The following SDK1 variants were observed in gnomAD, a reference collection of about 807,000 sequenced individuals.
SDK1 encodes protein sidekick-1.
SDK1 carries 157 observed loss-of-function variants against 245.5 expected under a neutral mutation model. That is an observed-to-expected ratio of 0.64 (90% confidence interval 0.56 to 0.73). The LOEUF (loss-of-function observed/expected upper bound fraction) is 0.73. Ranked by LOEUF, SDK1 falls within the 30% of genes least tolerant of loss-of-function variation. The probability of loss-of-function intolerance (pLI) is 0.00; values close to 1 mark genes in which losing one functional copy is unlikely to be tolerated. For missense variants in SDK1, 3,583 were observed against 3,002.3 expected (o/e 1.19, Z -4.52); for synonymous variants, 1,647 against 1,278.5 (o/e 1.29, Z -6.15).
intron 1 of SDK1, among the ~76,000 whole-genome samples, chr7:3,448,594 A>G (rs1780415792): frequency 6.6e-6 from 1 of 152,186 alleles, no homozygotes; most frequent in East Asian, 1.9e-4. Flanking sequence ...TATTTTTTAT[A>G]TAAATATCTT....
chr7:3,582,638 C>G (rs1406567121), intron 1 of SDK1, among the ~76,000 whole-genome samples: 3 of 131,512 alleles, frequency 2.3e-5, no homozygotes, highest in Non-Finnish European at 4.6e-5. Context: ...GTGACATGAG[C>G]TTACATAACA....
At chr7:3,382,666 G>C (rs1414243508) in intron 1 of SDK1, among the ~76,000 whole-genome samples, 2 of 152,256 alleles carry the variant, frequency 1.3e-5, no homozygotes, top group African/African-American at 4.8e-5. Context: ...GAGTATGTTT[G>C]ATTAGCGATG....
intron 1 of SDK1, among the ~76,000 whole-genome samples, chr7:3,407,122 C>T (rs566221036): frequency 2.6e-5 from 4 of 152,286 alleles, no homozygotes; most frequent in South Asian, 2.1e-4. Flanking sequence ...ACAAGGGCTA[C>T]TGCTCTGCAC....
intron 5 of SDK1, among the ~76,000 whole-genome samples, chr7:3,843,118 C>G (rs1347279669): frequency 6.6e-6 from 1 of 152,148 alleles, no homozygotes; most frequent in Non-Finnish European, 1.5e-5. Flanking sequence ...AGCTCTTTCT[C>G]GGGGCCCTGA....
In SDK1 at chr7:3,479,876, A is replaced by AT. The variant is rs1554277608; in HGVS notation, c.299-139194dup. 8.8e-3 allele frequency among the ~76,000 whole-genome samples: 1,298 copies of AT among 147,682 alleles called. 18 individuals carry two copies. The highest frequency in any genetic ancestry group is 0.018 in the South Asian group (85 of 4,642). Reference sequence around the variant, plus strand: ...GAGTCCATCTCAAAAAAAAAAAAAAATTTTTTTTTTCATTAAATGAGAGAC... The same window carrying AT: ...GAGTCCATCTCAAAAAAAAAAAAAAATTTTTTTTTTTCATTAAATGAGAGAC... On this transcript the variant is annotated intron_variant, in intron 1 of 44. Coordinates refer to ENST00000404826, the MANE Select transcript of SDK1 (RefSeq NM_152744.4).
At chr7:3,985,772 T>C (rs996295499) in intron 13 of SDK1, among the ~76,000 whole-genome samples, 1 of 152,230 alleles carries the variant, frequency 6.6e-6, no homozygotes, top group African/African-American at 2.4e-5. Flanking sequence ...TTAGAAATAT[T>C]AGTATGCTTA....
chr7:4,237,752 G>A lies in SDK1; in HGVS notation c.6098G>A (p.Gly2033Glu), dbSNP rs754471982. The change falls in exon 42 of 45, where the codon GGG (glycine) becomes GAG (glutamate). Residue 2033 changes from glycine (G) to glutamate (E), a missense_variant. Transcript: ENST00000404826. ...GTGGTGTTCGCCCTCGTCCTGCACG[G>A]GCAGAATAAGAAGTATAAGAACTGC... ...LLVVFALVLH[G>E]QNKKYKNCST... is the part of the protein sequence containing the mutation. 1 of 1,614,048 alleles carries A rather than the reference G, an allele frequency of 6.2e-7. No homozygotes were observed. The highest frequency in any genetic ancestry group is 1.7e-5 in the Admixed American group (1 of 60,004).
intron 4 of SDK1, among the ~76,000 whole-genome samples, chr7:3,712,470 A>T (rs541124831): frequency 1.3e-5 from 2 of 152,256 alleles, no homozygotes; most frequent in Non-Finnish European, 2.9e-5. Context: ...TAATAATAAT[A>T]GAATTAAAGT....
At chr7:3,564,860 C>G (rs1232659180) in intron 1 of SDK1, among the ~76,000 whole-genome samples, 3 of 151,894 alleles carry the variant, frequency 2.0e-5, no homozygotes, top group African/African-American at 4.8e-5. Context: ...TTAATGAAAC[C>G]TCGATTACAG....
intron 4 of SDK1, among the ~76,000 whole-genome samples, chr7:3,820,060 G>A (rs559720999): frequency 6.6e-6 from 1 of 152,292 alleles, no homozygotes; most frequent in African/African-American, 2.4e-5. Flanking sequence ...TGAAATAAGA[G>A]CTTAGACTAA....
At chr7:4,245,486 G>T (rs1450628930) in intron 43 of SDK1, among the ~76,000 whole-genome samples, 190 bp from the exon 44 acceptor site, 1 of 152,126 alleles carries the variant, frequency 6.6e-6, no homozygotes, top group Admixed American at 6.5e-5. Context: ...ACAGGCACAG[G>T]TACACAGAGG....
chr7:3,683,177 C>T lies in SDK1; in HGVS notation c.713+41072C>T, dbSNP rs1056647111. Among the ~76,000 whole-genome samples the T allele has an allele frequency of 5.3e-5, 8 of 152,186 alleles. No individual in the cohort carries two copies. In the South Asian group the frequency reaches 8.3e-4, roughly 16 times the overall value. On this transcript the variant is annotated intron_variant, in intron 4 of 44. Coordinates refer to ENST00000404826, the MANE Select transcript of SDK1 (RefSeq NM_152744.4). Reference sequence around the variant, plus strand: ...TTTCATATGATATTTCTTGCTTTTTCGTCTGTCTTTTCCACAGGTAAGCTA... The same window carrying T: ...TTTCATATGATATTTCTTGCTTTTTTGTCTGTCTTTTCCACAGGTAAGCTA...
intron 1 of SDK1, among the ~76,000 whole-genome samples, chr7:3,612,483 C>A (rs1187856864): frequency 6.6e-6 from 1 of 152,150 alleles, no homozygotes; most frequent in African/African-American, 2.4e-5. Context: ...GAACTGCCAG[C>A]AGCTGAAATT....
chr7:3,609,658 C>A (rs1337602876), intron 1 of SDK1, among the ~76,000 whole-genome samples: 3 of 152,062 alleles, frequency 2.0e-5, no homozygotes, highest in Admixed American at 1.3e-4. Flanking sequence ...CCTCAGCCTC[C>A]CAAAGTGCTG....
intron 17 of SDK1, among the ~76,000 whole-genome samples, chr7:4,031,496 T>C (rs1441195388): frequency 6.6e-6 from 1 of 151,962 alleles, no homozygotes; most frequent in Non-Finnish European, 1.5e-5. Context: ...TGTATAAACA[T>C]TAGAGCAAAA....
chr7:3,413,289 G>A (rs1016651952), intron 1 of SDK1, among the ~76,000 whole-genome samples: 1 of 152,158 alleles, frequency 6.6e-6, no homozygotes. Flanking sequence ...GAGGGGAGCA[G>A]GGCATAGCCT....
At chr7:3,396,886 C>G (rs892668339) in intron 1 of SDK1, among the ~76,000 whole-genome samples, 1 of 150,840 alleles carries the variant, frequency 6.6e-6, no homozygotes, top group Non-Finnish European at 1.5e-5. Context: ...TTAAGTATAC[C>G]TTTTCATTAT....
intron 1 of SDK1, among the ~76,000 whole-genome samples, chr7:3,612,957 GTTGA>G (rs889706110): frequency 5.9e-5 from 9 of 152,072 alleles, no homozygotes; most frequent in African/African-American, 2.2e-4. Flanking sequence ...CTAAGTGGAG[GTTGA>G]TTATTTCTTT....
chr7:3,543,891 A>G (rs115252440), intron 1 of SDK1, among the ~76,000 whole-genome samples: 436 of 152,356 alleles, frequency 2.9e-3, no homozygotes, highest in African/African-American at 0.01. Context: ...TACAAACACC[A>G]ACAGCCATCT....
Sources: allele counts gnomAD v4.1 joint callset (sites outside exome capture counted in the v4.1 genomes callset), GRCh38; gene constraint gnomAD v4.1.1; transcripts MANE v1.5; gene names NCBI Gene and HGNC (gene_info 2026-07-23, HGNC 2026-07-21).